The following CPVL variants were observed in gnomAD, a reference collection of about 807,000 sequenced individuals.
CPVL encodes carboxypeptidase vitellogenic like, also known as probable serine carboxypeptidase CPVL.
A neutral mutation model predicts 63.7 loss-of-function variants in CPVL; 51 were observed. The ratio of observed to expected loss-of-function variants is 0.80; its 90% confidence interval spans 0.64 to 1.01. The LOEUF (loss-of-function observed/expected upper bound fraction) is 1.01, where lower values mean the gene tolerates loss of function less well. CPVL is among the 50% of genes least tolerant of loss of function. The pLI, the probability that CPVL is intolerant of heterozygous loss-of-function variation, is 0.00. For missense variants in CPVL, 530 were observed against 573.1 expected (o/e 0.92, Z 0.77); for synonymous variants, 195 against 206.0 (o/e 0.95, Z 0.46).
At chr7:29,071,709 A>ACCCCCCC in intron 9 of CPVL, 64 bp downstream of exon 9, 25 of 472,920 alleles carry the variant, frequency 5.3e-5, no homozygotes, top group Middle Eastern at 3.6e-4. Context: ...GTTCCTGCTC[A>ACCCCCCC]CCCGCCCTCC....
chr7:29,123,628 A>AATATATATATATAT (rs1243750985), intron 1 of CPVL, among the ~76,000 whole-genome samples: 37 of 41,758 alleles, frequency 8.9e-4, no homozygotes, highest in African/African-American at 3.3e-3. Flanking sequence ...AAAAAAAAAA[A>AATATATATATATAT]ATATATATAT....
chr7:29,096,184 G>C lies in CPVL; in HGVS notation c.322C>G (p.Leu108Val), dbSNP rs1172973866. Residue 108 changes from leucine to valine, a missense_variant, in exon 4 of 13, where the codon CTA becomes GTA. By Grantham distance (32) the Leu-to-Val change is conservative (BLOSUM62 1). Transcript: ENST00000265394. ...QPEDAPVVLW[L>V]QGGPGGSSMF... ...GATGAACCTCCCGGCCCACCCTGTA[G>C]CCAGAGAACTACTGGGGCATCTTCT... 4 of 1,614,054 alleles carry C rather than the reference G, an allele frequency of 2.5e-6. No individual in the cohort carries two copies. The highest frequency in any genetic ancestry group is 3.4e-6 in the Non-Finnish European group (4 of 1,180,022).
At chr7:29,044,310 G>C (rs1295657152) in intron 11 of CPVL, among the ~76,000 whole-genome samples, 1 of 152,104 alleles carries the variant, frequency 6.6e-6, no homozygotes, top group African/African-American at 2.4e-5. Flanking sequence ...CTAGGTACTT[G>C]GGAGGCTGAG....
chr7:29,050,405 G>A (rs1228311378), intron 11 of CPVL, among the ~76,000 whole-genome samples: 1 of 51,026 alleles, frequency 2.0e-5, no homozygotes, highest in Non-Finnish European at 4.0e-5. Context: ...TACGATAGCT[G>A]CAAAAAAAAA....
chr7:29,155,135 C>T (rs551374846), intron 5 of CPVL, among the ~76,000 whole-genome samples: 5 of 152,134 alleles, frequency 3.3e-5, no homozygotes, highest in East Asian at 1.9e-4. Context: ...TCCCACAACA[C>T]GTGGGAATTC....
intron 3 of CPVL, among the ~76,000 whole-genome samples, chr7:29,100,427 G>A (rs745706858): frequency 2.6e-5 from 4 of 152,092 alleles, no homozygotes; most frequent in East Asian, 1.9e-4. Context: ...ATGTGCAGGC[G>A]GCGCCAAGGG....
chr7:29,011,319 A>G (rs1019263126), intron 12 of CPVL: 1 of 152,348 alleles, frequency 6.6e-6, no homozygotes, highest in African/African-American at 2.4e-5. Context: ...CATGCCGATA[A>G]TCCTAGGACT....
At chr7:29,158,725 G>T (rs562622943) in intron 5 of CPVL, among the ~76,000 whole-genome samples, 1 of 152,322 alleles carries the variant, frequency 6.6e-6, no homozygotes, top group East Asian at 1.9e-4. Flanking sequence ...TGTTCCTGGA[G>T]ATTTTGCTTG....
intron 3 of CPVL, among the ~76,000 whole-genome samples, chr7:29,101,166 C>T (rs1339552259): frequency 1.3e-5 from 2 of 152,168 alleles, no homozygotes; most frequent in Non-Finnish European, 2.9e-5. Flanking sequence ...CATTGCAATA[C>T]TTAAGACCGA....
At chr7:29,105,944 C>A (rs904127621) in intron 3 of CPVL, among the ~76,000 whole-genome samples, 1 of 152,134 alleles carries the variant, frequency 6.6e-6, no homozygotes, top group African/African-American at 2.4e-5. Context: ...CAAAGAATGC[C>A]CTGGGCTAGG....
chr7:29,095,430 C>T (rs1786305750), intron 4 of CPVL, among the ~76,000 whole-genome samples: 1 of 152,020 alleles, frequency 6.6e-6, no homozygotes, highest in South Asian at 2.1e-4. Flanking sequence ...AAACACCCAC[C>T]AACCACCTCT....
At chr7:29,051,072 C>T (rs543785178) in intron 11 of CPVL, among the ~76,000 whole-genome samples, 1 of 152,252 alleles carries the variant, frequency 6.6e-6, no homozygotes, top group Admixed American at 6.5e-5. Context: ...AAACTGGATC[C>T]TCATCTCTCA....
chr7:29,077,994 A>G (rs1784382026), intron 7 of CPVL, among the ~76,000 whole-genome samples: 1 of 152,216 alleles, frequency 6.6e-6, no homozygotes, highest in African/African-American at 2.4e-5. Flanking sequence ...TGGCCAGTTT[A>G]GAAAATTAAT....
At chr7:29,144,307 T>A (rs947625675) in intron 1 of CPVL, among the ~76,000 whole-genome samples, 1 of 152,044 alleles carries the variant, frequency 6.6e-6, no homozygotes, top group Non-Finnish European at 1.5e-5. Flanking sequence ...ATGCCTGTAA[T>A]CCCAGCACTT....
rs371406384 is a variant in CPVL, at chr7:29,095,060, C to T, written c.462+24G>A. 47 of 1,596,258 alleles carry T rather than the reference C, an allele frequency of 2.9e-5. No individual in the cohort carries two copies. The African/African-American group carries it at 6.0e-4, about 20-fold the overall frequency. On this transcript the variant is annotated intron_variant, in intron 5 of 12. Coordinates refer to ENST00000265394, the MANE Select transcript of CPVL (RefSeq NM_031311.5). The stretch of plus-strand genomic sequence containing the variant: ...AGACAGGAGACGCCAGCACTGACAG[C>T]TCACAGGGTCATCCCGGACTTACTG...
intron 2 of CPVL, chr7:29,113,051 G>A (rs1788412829): frequency 4.6e-6 from 2 of 435,118 alleles, no homozygotes; most frequent in Non-Finnish European, 8.3e-6. Context: ...TTGGGGAGGG[G>A]TGCCCAAATA....
chr7:29,189,121 T>C (rs1340784882), intron 1 of CPVL, among the ~76,000 whole-genome samples: 9 of 152,032 alleles, frequency 5.9e-5, no homozygotes, highest in Non-Finnish European at 1.2e-4. Flanking sequence ...TGGCTAATTT[T>C]TATATTTTTA....
intron 12 of CPVL, among the ~76,000 whole-genome samples, chr7:29,000,780 T>C (rs1018484261): frequency 3.9e-5 from 6 of 152,176 alleles, no homozygotes; most frequent in Admixed American, 3.9e-4. Flanking sequence ...ATTCACACTA[T>C]CTTGTTGCAG....
At chr7:29,142,478 C>A (rs983813778) in intron 1 of CPVL, among the ~76,000 whole-genome samples, 1 of 151,476 alleles carries the variant, frequency 6.6e-6, no homozygotes, top group Non-Finnish European at 1.5e-5. Context: ...GACTCTATAA[C>A]AGGACGTCAT....
Sources: allele counts gnomAD v4.1 joint callset (sites outside exome capture counted in the v4.1 genomes callset), GRCh38; gene constraint gnomAD v4.1.1; transcripts MANE v1.5; gene names NCBI Gene and HGNC (gene_info 2026-07-23, HGNC 2026-07-21).